SMARCC1: variants seen among roughly 807,000 people sequenced by gnomAD.
SMARCC1 encodes the protein SWI/SNF related BAF chromatin remodeling complex subunit C1.
In SMARCC1, 43 loss-of-function variants were observed where a neutral mutation model predicts 147.4. The observed-to-expected ratio is 0.29, with a 90% CI of 0.23 to 0.38. The LOEUF is 0.38. SMARCC1 is among the 10% of genes least tolerant of loss of function. The pLI is 1.00. For missense variants in SMARCC1, 1,119 were observed against 1,381.1 expected, an observed-to-expected ratio of 0.81 and a Z score of 3.01; for synonymous variants, 495 against 484.4, an observed-to-expected ratio of 1.02 and a Z score of -0.29.
At chr3:47,768,258 C>T (rs2034864320) in intron 2 of SMARCC1, among the ~76,000 whole-genome samples, 1 of 152,080 alleles carries the variant, frequency 6.6e-6, no homozygotes, top group Non-Finnish European at 1.5e-5. Context: ...TGTTTTATAC[C>T]ATTATGGATT....
intron 7 of SMARCC1, 59 bp from the exon 8 acceptor site, chr3:47,714,549 A>G: frequency 1.2e-6 from 1 of 845,630 alleles, no homozygotes; most frequent in South Asian, 1.5e-5. Flanking sequence ...CATTAGAAAG[A>G]CTTTTACAAA....
At position 47,652,623 on chromosome 3, in the gene SMARCC1, C is replaced by CAAA. The variant is rs11377736; in HGVS notation, c.2320+8668_2320+8670dup. ...CCATGCCTCAGTTTCCTTGCTTTTG[C>CAAA]AAAAAAAAAAAAAAAAAGTTACTTC... On this transcript the variant is annotated intron_variant, in intron 21 of 27. Transcript: ENST00000254480. Among the ~76,000 whole-genome samples the CAAA allele has an allele frequency of 1.4e-3, 195 of 134,910 alleles. 3 individuals carry two copies. The highest frequency in any genetic ancestry group is 4.6e-3 in the African/African-American group (166 of 35,778). The allele number at this position is 134,910 out of a possible 152,430, so 88.5% of individuals were successfully genotyped here.
At position 47,680,488 on chromosome 3, in the gene SMARCC1, C is replaced by T. The variant is rs1162318390; in HGVS notation, c.1406G>A (p.Arg469His). 12 of 1,606,486 alleles carry T rather than the reference C, an allele frequency of 7.5e-6. No individual in the cohort carries two copies. Among genetic ancestry groups the T allele is most frequent in the Admixed American group, 3.3e-5 (2 of 59,710 alleles). The change falls in exon 15 of 28, where the codon CGT becomes CAT. Residue 469 changes from arginine to histidine, a missense_variant. By Grantham distance (29) the Arg-to-His change is conservative. Coordinates refer to ENST00000254480, the MANE Select transcript of SMARCC1 (RefSeq NM_003074.4). ...DYNCIHVIERRALPEFFNGKN... is the reference protein window; with the variant it reads ...DYNCIHVIERHALPEFFNGKN... ...TCCATTGAAGAACTCAGGAAGAGCA[C>T]GCCGTTCAATCACATGAATACTGAA...
intron 22 of SMARCC1, among the ~76,000 whole-genome samples, chr3:47,637,711 C>CA (rs57257628): frequency 0.6 from 85,471 of 143,444 alleles, 26,002 homozygotes; most frequent in East Asian, 0.73. Context: ...GACTCTGTCT[C>CA]AAAAAAAAAA....
rs548729781 is a variant in SMARCC1, at chr3:47,629,206, T to C, written c.2646+5984A>G. 1.5e-3 allele frequency among the ~76,000 whole-genome samples: 226 copies of C among 152,254 alleles called. 5 individuals are homozygous for C. In the South Asian group the frequency reaches 0.045, roughly 30 times the overall value. On this transcript the variant is annotated intron_variant, in intron 24 of 27. Transcript: ENST00000254480. ...ACCTTGATGTGTCTCACCCCTACTATACTAGTCCAGAAAATCTTCAAATTA... is the reference window on the plus strand; with the variant it reads ...ACCTTGATGTGTCTCACCCCTACTACACTAGTCCAGAAAATCTTCAAATTA...
intron 10 of SMARCC1, 148 bp from the exon 11 acceptor site, chr3:47,701,550 C>T (rs2033918332): frequency 2.7e-6 from 2 of 727,608 alleles, no homozygotes; most frequent in Admixed American, 2.6e-5. Context: ...CGCGGTGGTT[C>T]ATGCCTGTAA....
intron 9 of SMARCC1, among the ~76,000 whole-genome samples, 189 bp downstream of exon 9, chr3:47,710,494 T>C (rs1205685875): frequency 2.6e-5 from 4 of 152,004 alleles, no homozygotes; most frequent in African/African-American, 9.7e-5. Context: ...ATACCACTTT[T>C]TGGGAGGTTA....
At chr3:47,680,661 C>T (rs2033633389) in intron 14 of SMARCC1, among the ~76,000 whole-genome samples, 153 bp from the exon 15 acceptor site, 1 of 145,236 alleles carries the variant, frequency 6.9e-6, no homozygotes, top group South Asian at 2.2e-4. Flanking sequence ...CATTCTCCTG[C>T]CTCAGCCTCC....
At chr3:47,767,667 A>G (rs1171456407) in intron 2 of SMARCC1, among the ~76,000 whole-genome samples, 1 of 132,698 alleles carries the variant, frequency 7.5e-6, no homozygotes, top group Non-Finnish European at 1.6e-5. Context: ...CAGGAGTTCG[A>G]GACCAGCTTG....
intron 25 of SMARCC1, among the ~76,000 whole-genome samples, chr3:47,619,620 AG>A (rs1296670547): frequency 1.3e-5 from 2 of 152,246 alleles, no homozygotes; most frequent in Non-Finnish European, 2.9e-5. Context: ...GCATACACAG[AG>A]GGTGACAGAG....
intron 1 of SMARCC1, among the ~76,000 whole-genome samples, chr3:47,773,630 ATT>A (rs965529581): frequency 6.6e-6 from 1 of 151,138 alleles, no homozygotes; most frequent in East Asian, 2.0e-4. Context: ...CTCTCAAAAA[ATT>A]TTTTTTCTTT....
At chr3:47,709,917 A>G (rs1412184931) in intron 9 of SMARCC1, among the ~76,000 whole-genome samples, 2 of 152,166 alleles carry the variant, frequency 1.3e-5, no homozygotes, top group African/African-American at 4.8e-5. Context: ...ATGATATAAA[A>G]TGTCAAGTCC....
intron 8 of SMARCC1, among the ~76,000 whole-genome samples, chr3:47,711,689 T>C (rs1369669010): frequency 2.6e-5 from 4 of 152,174 alleles, no homozygotes; most frequent in East Asian, 3.8e-4. Context: ...AAACTCCCTG[T>C]TTTCAAAGAG....
In SMARCC1 at chr3:47,659,221, T is replaced by C. The variant is rs2033305124; in HGVS notation, c.2320+2073A>G. 1.4e-5 allele frequency among the ~76,000 whole-genome samples: 2 copies of C among 147,626 alleles called. 1 individual carries two copies. The highest frequency in any genetic ancestry group is 4.3e-4 in the South Asian group (2 of 4,674). ...TTACCAGTGAATATTACCAAACACT[T>C]AAAGAATTAACTCCAATGCTCCTCA... On this transcript the variant is annotated intron_variant, in intron 21 of 27. Coordinates refer to ENST00000254480, the MANE Select transcript of SMARCC1 (RefSeq NM_003074.4).
At chr3:47,604,443 A>C (rs62262079) in intron 26 of SMARCC1, 1 of 378,586 alleles carries the variant, frequency 2.6e-6, no homozygotes. Context: ...CTCCCAATGT[A>C]AGCTGTGGCC....
At chr3:47,704,454 A>T (rs759901943) in intron 10 of SMARCC1, among the ~76,000 whole-genome samples, 5 of 152,190 alleles carry the variant, frequency 3.3e-5, no homozygotes, top group Admixed American at 1.3e-4. Flanking sequence ...AGTAGAGGGT[A>T]TATGTCACCA....
chr3:47,781,553 TC>T, intron 1 of SMARCC1, 49 bp downstream of exon 1: 1 of 1,376,104 alleles, frequency 7.3e-7, no homozygotes, highest in Non-Finnish European at 9.6e-7. Context: ...AGCTGCCGCC[TC>T]CGGCCCCGGT....
At chr3:47,762,813 T>A (rs1208660935) in intron 2 of SMARCC1, among the ~76,000 whole-genome samples, 2 of 152,110 alleles carry the variant, frequency 1.3e-5, no homozygotes, top group African/African-American at 4.8e-5. Flanking sequence ...ACGCCTGTAA[T>A]CCCAGCACTT....
intron 3 of SMARCC1, among the ~76,000 whole-genome samples, chr3:47,743,799 C>T (rs374135426): frequency 1.4e-5 from 2 of 145,278 alleles, no homozygotes; most frequent in African/African-American, 5.1e-5. Flanking sequence ...GGTGACAGAG[C>T]GAGACTATGT....
Sources: gnomAD v4.1 joint callset for allele counts (sites outside exome capture counted in the v4.1 genomes callset) on GRCh38, gnomAD v4.1.1 for gene constraint, MANE v1.5 for transcripts, NCBI Gene and HGNC (gene_info 2026-07-23, HGNC 2026-07-21) for gene names.